Variants in AGBL1 observed in about 807,000 individuals in gnomAD.
AGBL1 encodes the protein AGBL carboxypeptidase 1.
Under a neutral mutation model 118.9 loss-of-function variants are expected in AGBL1, and 130 were observed. The observed-to-expected ratio is 1.09, with a 90% CI of 0.95 to 1.26. The LOEUF (loss-of-function observed/expected upper bound fraction) is 1.26. Ranked by LOEUF, AGBL1 falls within the 50% of genes most tolerant of loss-of-function variation. AGBL1 has a pLI of 0.00. For missense variants in AGBL1, 1,584 were observed against 1,298.1 expected (o/e 1.22, Z -3.38); for synonymous variants, 555 against 478.9 (o/e 1.16, Z -2.08).
At chr15:86,684,778 C>T (rs960153430) in intron 22 of AGBL1, among the ~76,000 whole-genome samples, 4 of 152,122 alleles carry the variant, frequency 2.6e-5, no homozygotes, top group African/African-American at 4.8e-5. Context: ...AATCTCCTTT[C>T]GGATCTAATA....
chr15:86,981,352 C>A (rs1443764560), intron 23 of AGBL1, among the ~76,000 whole-genome samples: 1 of 152,190 alleles, frequency 6.6e-6, no homozygotes, highest in Non-Finnish European at 1.5e-5. Flanking sequence ...CTCAGTCTTA[C>A]TGCAGTCTGT....
intron 21 of AGBL1, among the ~76,000 whole-genome samples, chr15:86,563,079 CT>C (rs1312526805): frequency 1.3e-5 from 2 of 152,086 alleles, no homozygotes; most frequent in Admixed American, 6.5e-5. Flanking sequence ...TTTTGTTGAT[CT>C]TTTCCAAAAA....
chr15:86,289,485 T>C (rs2079510684), intron 16 of AGBL1, among the ~76,000 whole-genome samples: 1 of 152,306 alleles, frequency 6.6e-6, no homozygotes, highest in African/African-American at 2.4e-5. Flanking sequence ...TACAACTAAA[T>C]TATAGCAACC....
intron 13 of AGBL1, among the ~76,000 whole-genome samples, chr15:86,268,609 A>G (rs2079109258): frequency 6.6e-6 from 1 of 152,148 alleles, no homozygotes; most frequent in Non-Finnish European, 1.5e-5. Flanking sequence ...TGGGTAAGGA[A>G]TTTTTTATGA....
At chr15:87,031,070 C>T (rs562026909), downstream of AGBL1, among the ~76,000 whole-genome samples, 1 of 152,060 alleles carries the variant, frequency 6.6e-6, no homozygotes, top group Admixed American at 6.6e-5. Context: ...AACATATTTG[C>T]CTACTTCTTC....
chr15:86,623,703 T>C (rs896465151), intron 21 of AGBL1, among the ~76,000 whole-genome samples: 3 of 152,228 alleles, frequency 2.0e-5, no homozygotes, highest in Admixed American at 6.5e-5. Context: ...ACAAATGACA[T>C]GATAGTGCTT....
intron 22 of AGBL1, among the ~76,000 whole-genome samples, chr15:86,862,069 A>G (rs1239475234): frequency 4.6e-5 from 7 of 152,118 alleles, no homozygotes; most frequent in Non-Finnish European, 1.5e-5. Flanking sequence ...ACCAACCTCT[A>G]TAGCATTGCT....
At chr15:86,165,607 C>A (rs755339586) in intron 5 of AGBL1, among the ~76,000 whole-genome samples, 6 of 152,098 alleles carry the variant, frequency 3.9e-5, no homozygotes, top group Admixed American at 3.3e-4. Flanking sequence ...AAAATAGTTA[C>A]TGAATTCCCC....
intron 24 of AGBL1, among the ~76,000 whole-genome samples, chr15:87,006,072 T>C (rs2081498135): frequency 6.6e-6 from 1 of 152,142 alleles, no homozygotes; most frequent in Non-Finnish European, 1.5e-5. Flanking sequence ...CTCAGAAGAG[T>C]ACCCAGCCGT....
chr15:86,709,997 G>T (rs1420529693), intron 22 of AGBL1, among the ~76,000 whole-genome samples: 1 of 152,148 alleles, frequency 6.6e-6, no homozygotes, highest in Non-Finnish European at 1.5e-5. Context: ...TCAAAGATGA[G>T]CAATATGCAT....
At chr15:86,251,670 C>T (rs996130327) in intron 7 of AGBL1, among the ~76,000 whole-genome samples, 6 of 152,168 alleles carry the variant, frequency 3.9e-5, no homozygotes, top group African/African-American at 7.2e-5. Flanking sequence ...CTGAGTCTCA[C>T]GTTTCTGCAC....
intron 21 of AGBL1, among the ~76,000 whole-genome samples, chr15:86,581,441 G>A (rs1447156070): frequency 6.6e-6 from 1 of 152,092 alleles, no homozygotes; most frequent in African/African-American, 2.4e-5. Context: ...TCATAGAAAG[G>A]AATTCAAAGG....
chr15:86,249,268 C>T (rs1327981782), intron 7 of AGBL1, among the ~76,000 whole-genome samples: 3 of 152,138 alleles, frequency 2.0e-5, no homozygotes, highest in Non-Finnish European at 2.9e-5. Context: ...CTTTATCAGC[C>T]TTCTTGCTCT....
chr15:86,561,501 C>G (rs2083819708), intron 21 of AGBL1, among the ~76,000 whole-genome samples: 1 of 152,062 alleles, frequency 6.6e-6, no homozygotes, highest in Admixed American at 6.5e-5. Flanking sequence ...CTGTGCTGTT[C>G]CATTGGTCTA....
intron 22 of AGBL1, among the ~76,000 whole-genome samples, chr15:86,720,504 T>A (rs989551468): frequency 6.6e-6 from 1 of 152,198 alleles, no homozygotes; most frequent in African/African-American, 2.4e-5. Context: ...ATGGAAGGAA[T>A]TTACTTCGCT....
chr15:86,712,836 A>C (rs1244234920), intron 22 of AGBL1, among the ~76,000 whole-genome samples: 1 of 152,194 alleles, frequency 6.6e-6, no homozygotes, highest in African/African-American at 2.4e-5. Flanking sequence ...CAAGGGCTGG[A>C]GCTGAAGCTT....
At chr15:86,973,116 C>T (rs1358331861) in intron 23 of AGBL1, among the ~76,000 whole-genome samples, 1 of 151,900 alleles carries the variant, frequency 6.6e-6, no homozygotes. Context: ...ATTTGTGATG[C>T]TGTAAGCTTG....
chr15:86,491,808 T>A (rs1328198976), intron 18 of AGBL1, among the ~76,000 whole-genome samples: 1 of 151,152 alleles, frequency 6.6e-6, no homozygotes, highest in Non-Finnish European at 1.5e-5. Flanking sequence ...TCAGAATATA[T>A]TTAGTGATGT....
intron 16 of AGBL1, among the ~76,000 whole-genome samples, chr15:86,283,555 G>T (rs2079390353): frequency 6.6e-6 from 1 of 152,038 alleles, no homozygotes; most frequent in South Asian, 2.1e-4. Context: ...AAAGGAATTA[G>T]AATGCCACAT....
Sources: gnomAD v4.1 joint callset for allele counts (sites outside exome capture counted in the v4.1 genomes callset) on GRCh38, gnomAD v4.1.1 for gene constraint, MANE v1.5 for transcripts, NCBI Gene and HGNC (gene_info 2026-07-23, HGNC 2026-07-21) for gene names.